B4GALT6: variants seen among roughly 807,000 people sequenced by gnomAD.
The protein encoded by B4GALT6 is beta-1,4-galactosyltransferase 6, also known as UDP-Gal:beta-GlcNAc beta-1,4-galactosyltransferase 6.
Under a neutral mutation model 46.3 loss-of-function variants are expected in B4GALT6, and 14 were observed. The observed-to-expected ratio is 0.30, with a 90% CI of 0.20 to 0.47. The LOEUF (loss-of-function observed/expected upper bound fraction) is 0.47, where lower values mean the gene tolerates loss of function less well. B4GALT6 is among the 20% of genes least tolerant of loss of function. The probability of loss-of-function intolerance (pLI) is 0.99; values close to 1 mark genes in which losing one functional copy is unlikely to be tolerated. For synonymous variants in B4GALT6, 168 were observed against 162.0 expected, an observed-to-expected ratio of 1.04 and a Z score of -0.28; for missense variants, 386 against 480.1, an observed-to-expected ratio of 0.80 and a Z score of 1.83.
chr18:31,718,353 A>G, the B4GALT6 span, among the ~76,000 whole-genome samples: 2 of 152,234 alleles, frequency 1.3e-5, no homozygotes, highest in South Asian at 4.1e-4. Context: ...TAAAATGTTT[A>G]TAGTGCCAAG....
At chr18:31,676,793 A>G (rs138725799) in intron 1 of B4GALT6, among the ~76,000 whole-genome samples, 1 of 152,346 alleles carries the variant, frequency 6.6e-6, no homozygotes, top group East Asian at 1.9e-4. Context: ...GTGCAGAAAC[A>G]TCTGGGTACG....
rs191922359 is a variant in B4GALT6 at position 31,657,221 on chromosome 18, T to A, written c.346+755A>T. Among the ~76,000 whole-genome samples the A allele has an allele frequency of 3.8e-3, 580 of 151,412 alleles. 2 individuals carry two copies. The highest frequency in any genetic ancestry group is 0.017 in the Middle Eastern group (5 of 292). ...TTTATACCAAAATATATATATATATTTTTTTTGCTATTTTGTGATAGCAAA... is the reference window on the plus strand; with the variant it reads ...TTTATACCAAAATATATATATATATATTTTTTGCTATTTTGTGATAGCAAA... On this transcript the variant is annotated intron_variant, in intron 3 of 8. Transcript: ENST00000306851.
rs200879395 is a variant in B4GALT6, at chr18:31,670,800, G to C, written c.116-4428C>G. On this transcript the variant is annotated intron_variant, in intron 1 of 8. Transcript: ENST00000306851. ...CTTTAAGTTCTGGGGTACATGTGCA[G>C]AATGTGCAGGTTACATAGGTTTACA... is the stretch of plus-strand genomic sequence containing the variant. 1.2e-4 allele frequency among the ~76,000 whole-genome samples: 19 copies of C among 152,160 alleles called. No individual in the cohort carries two copies. In the East Asian group the frequency reaches 3.7e-3, roughly 29 times the overall value.
At position 31,623,943 on chromosome 18, in the gene B4GALT6, T is replaced by C. The variant is rs1218216445; in HGVS notation, c.*1671A>G. 1 of 152,070 alleles carries C rather than the reference T, an allele frequency of 6.6e-6. No individual in the cohort carries two copies. The highest frequency in any genetic ancestry group is 1.5e-5 in the Non-Finnish European group (1 of 67,884). 9.4% of individuals were successfully genotyped at this position (152,070 alleles called of 1,614,324 possible). A position where few individuals can be genotyped will look rare whatever the true frequency, so the allele number is the denominator to read the frequency against. On this transcript the variant is annotated 3_prime_UTR_variant, in exon 9 of 9. Transcript: ENST00000306851. The stretch of plus-strand genomic sequence containing the variant: ...AACGTTTCTCATATATAGATTTCTA[T>C]TGCTCATCATTGTTGTTGAACATTC...
chr18:31,717,382 G>A, the B4GALT6 span, among the ~76,000 whole-genome samples: 9 of 152,262 alleles, frequency 5.9e-5, no homozygotes, highest in Middle Eastern at 3.4e-3. Flanking sequence ...GGCACAAGGG[G>A]AGTTTCTGGG....
At chr18:31,693,106 T>G in the B4GALT6 span, among the ~76,000 whole-genome samples, 2 of 152,358 alleles carry the variant, frequency 1.3e-5, no homozygotes, top group African/African-American at 4.8e-5. Context: ...AGAAAACGTG[T>G]GTCCTCAGCT....
At chr18:31,648,182 G>GGTTGTT (rs562006581) in intron 3 of B4GALT6, among the ~76,000 whole-genome samples, 1 of 152,126 alleles carries the variant, frequency 6.6e-6, no homozygotes, top group Admixed American at 6.5e-5. Context: ...ATCTGAGATT[G>GGTTGTT]GTTGTTGTTG....
At chr18:31,713,892 G>A in the B4GALT6 span, among the ~76,000 whole-genome samples, 1 of 152,170 alleles carries the variant, frequency 6.6e-6, no homozygotes, top group East Asian at 1.9e-4. Flanking sequence ...GCGTTGCCAG[G>A]TAGCCTATTA....
chr18:31,628,916 G>A (rs747808498), intron 6 of B4GALT6, among the ~76,000 whole-genome samples: 2 of 152,170 alleles, frequency 1.3e-5, no homozygotes, highest in Non-Finnish European at 2.9e-5. Flanking sequence ...TACATAGAAT[G>A]TGCCTCTCCT....
chr18:31,656,139 A>T (rs762116715), intron 3 of B4GALT6, among the ~76,000 whole-genome samples: 3 of 152,214 alleles, frequency 2.0e-5, no homozygotes, highest in African/African-American at 4.8e-5. Flanking sequence ...CCATGGCCTT[A>T]GATGATATTA....
At chr18:31,702,143 G>A in the B4GALT6 span, among the ~76,000 whole-genome samples, 1 of 152,254 alleles carries the variant, frequency 6.6e-6, no homozygotes, top group South Asian at 2.1e-4. Context: ...TATTGGTTTG[G>A]CAAATAATAC....
At chr18:31,677,396 CAT>C (rs1400381193) in intron 1 of B4GALT6, among the ~76,000 whole-genome samples, 1 of 152,144 alleles carries the variant, frequency 6.6e-6, no homozygotes, top group Non-Finnish European at 1.5e-5. Context: ...AACCATGAAA[CAT>C]AGCAAATCAA....
In B4GALT6 at chr18:31,678,334, C is replaced by T. The variant is rs539915834; in HGVS notation, c.115+5978G>A. Among the ~76,000 whole-genome samples, 58 of 150,780 alleles carry T rather than the reference C, an allele frequency of 3.8e-4. No homozygotes were observed. In the East Asian group the frequency reaches 0.01, roughly 27 times the overall value. On this transcript the variant is annotated intron_variant, in intron 1 of 8. Coordinates refer to ENST00000306851, the MANE Select transcript of B4GALT6 (RefSeq NM_004775.5). ...AGTTAGAAGACTGGTCTTTTTTTTTCCTCTCTCTCTCTTTTCAATAAGCCT... is the reference window on the plus strand; with the variant it reads ...AGTTAGAAGACTGGTCTTTTTTTTTTCTCTCTCTCTCTTTTCAATAAGCCT...
At chr18:31,680,194 C>T (rs2074464007) in intron 1 of B4GALT6, among the ~76,000 whole-genome samples, 1 of 152,120 alleles carries the variant, frequency 6.6e-6, no homozygotes. Context: ...ACTGAAAGAC[C>T]TTTGAAACAA....
In B4GALT6 at chr18:31,629,447, ATTTTTTTTTTTTTTTTTT is replaced by A. The variant is rs869030382; in HGVS notation, c.776+1494_776+1511del. Among the ~76,000 whole-genome samples, 48 of 32,884 alleles carry A rather than the reference ATTTTTTTTTTTTTTTTTT, an allele frequency of 1.5e-3. 2 individuals carry two copies. The highest frequency in any genetic ancestry group is 2.0e-3 in the Non-Finnish European group (33 of 16,678). 21.6% of individuals were successfully genotyped at this position (32,884 alleles called of 152,430 possible). A position where few individuals can be genotyped will look rare whatever the true frequency, so the allele number is the denominator to read the frequency against. On this transcript the variant is annotated intron_variant, in intron 6 of 8. Coordinates refer to ENST00000306851, the MANE Select transcript of B4GALT6 (RefSeq NM_004775.5). ...ATTCTTAGTTTATATGCCCTTTATG[ATTTTTTTTTTTTTTTTTT>A]TTTTTTTTTTTTTTTTTTGTGAAAA...
the B4GALT6 span, among the ~76,000 whole-genome samples, chr18:31,709,096 T>C: frequency 6.6e-6 from 1 of 152,216 alleles, no homozygotes; most frequent in Non-Finnish European, 1.5e-5. Context: ...TCCTTGTCTG[T>C]AAAATGTGTG....
At chr18:31,648,205 G>T (rs1181032825) in intron 3 of B4GALT6, among the ~76,000 whole-genome samples, 11 of 152,138 alleles carry the variant, frequency 7.2e-5, no homozygotes, top group Admixed American at 7.2e-4. Flanking sequence ...CTTAATCCCA[G>T]ATGTAATAGT....
At chr18:31,658,113 CAAAA>C in intron 2 of B4GALT6, 24 bp from the exon 3 acceptor site, 49 of 1,246,730 alleles carry the variant, frequency 3.9e-5, no homozygotes, top group Middle Eastern at 2.4e-4. Flanking sequence ...AAAAGAGTTA[CAAAA>C]AAAAAAAAAA....
At chr18:31,719,266 C>T in the B4GALT6 span, 3 of 152,204 alleles carry the variant, frequency 2.0e-5, no homozygotes, top group Non-Finnish European at 4.4e-5. Flanking sequence ...TAAGGGAGAC[C>T]TCTGCCATGT....
Sources: allele counts gnomAD v4.1 joint callset (sites outside exome capture counted in the v4.1 genomes callset), GRCh38; gene constraint gnomAD v4.1.1; transcripts MANE v1.5; gene names NCBI Gene and HGNC (gene_info 2026-07-23, HGNC 2026-07-21).